ITGB8: variants seen among roughly 807,000 people sequenced by gnomAD.
ITGB8 encodes the protein integrin beta-8.
Under a neutral mutation model 89.5 loss-of-function variants are expected in ITGB8, and 30 were observed. That is an observed-to-expected ratio of 0.34 (90% CI 0.25 to 0.45). The LOEUF (loss-of-function observed/expected upper bound fraction) is 0.45, where lower values mean the gene tolerates loss of function less well. Ranked by LOEUF, ITGB8 falls within the 20% of genes least tolerant of loss-of-function variation. ITGB8 has a pLI of 1.00. For missense variants in ITGB8, 836 were observed against 933.3 expected (o/e 0.90, Z 1.36); for synonymous variants, 335 against 320.4 (o/e 1.05, Z -0.49).
intron 3 of ITGB8, among the ~76,000 whole-genome samples, chr7:20,376,257 T>C (rs953257309): frequency 1.3e-5 from 2 of 152,160 alleles, no homozygotes; most frequent in African/African-American, 4.8e-5. Flanking sequence ...CTGAAACCAC[T>C]GATGGGAAGT....
intron 1 of ITGB8, among the ~76,000 whole-genome samples, chr7:20,357,899 C>T: frequency 6.6e-6 from 1 of 152,156 alleles, no homozygotes; most frequent in Non-Finnish European, 1.5e-5. Context: ...TGACAATATG[C>T]AATTAAATCT....
chr7:20,413,597 A>G lies in ITGB8; in HGVS notation c.*3600A>G, dbSNP rs564630272. 6 of 152,294 alleles carry G rather than the reference A, an allele frequency of 3.9e-5. No individual in the cohort carries two copies. The highest frequency in any genetic ancestry group is 3.3e-4 in the Admixed American group (5 of 15,286). The allele number at this position is 152,294 out of a possible 1,614,324, so 9.4% of individuals were successfully genotyped here. A position where few individuals can be genotyped will look rare whatever the true frequency, so the allele number is the denominator to read the frequency against. On this transcript the variant is annotated 3_prime_UTR_variant, in exon 14 of 14. Transcript: ENST00000222573. Reference sequence around the variant, plus strand: ...AAGCTTCAAGCTTAATAAGCCTAATAGTGAAAAATAACTGAATTTAATGGT... The same window carrying G: ...AAGCTTCAAGCTTAATAAGCCTAATGGTGAAAAATAACTGAATTTAATGGT...
At chr7:20,379,935 G>C (rs1422269483) in intron 4 of ITGB8, 1 of 152,130 alleles carries the variant, frequency 6.6e-6, no homozygotes, top group Non-Finnish European at 1.5e-5. Context: ...ACACAATATT[G>C]CCATTAGCCT....
intron 12 of ITGB8, among the ~76,000 whole-genome samples, chr7:20,406,430 G>A (rs1465943464): frequency 1.3e-5 from 2 of 151,916 alleles, no homozygotes; most frequent in Admixed American, 1.3e-4. Context: ...GGCACCTGTA[G>A]TCCCACCTAC....
intron 1 of ITGB8, among the ~76,000 whole-genome samples, chr7:20,355,869 C>T (rs923238703): frequency 1.3e-5 from 2 of 152,200 alleles, no homozygotes; most frequent in Non-Finnish European, 2.9e-5. Flanking sequence ...TCTATATGAG[C>T]ACAGTTTAAA....
At position 20,412,103 on chromosome 7, in the gene ITGB8, T is replaced by G. The variant is rs1471033408; in HGVS notation, c.*2106T>G. 1 of 152,634 alleles carries G rather than the reference T, an allele frequency of 6.6e-6. No homozygotes were observed. The highest frequency in any genetic ancestry group is 2.4e-5 in the African/African-American group (1 of 41,452). 9.5% of individuals were successfully genotyped at this position (152,634 alleles called of 1,614,324 possible). On this transcript the variant is annotated 3_prime_UTR_variant, in exon 14 of 14. Transcript: ENST00000222573. The stretch of plus-strand genomic sequence containing the variant: ...CTAGATACTGCATTTTGATGAAGAC[T>G]AACCCCATCTCATATTCTACCCTAA...
At chr7:20,332,723 G>C (rs867579478) in intron 1 of ITGB8, among the ~76,000 whole-genome samples, 1 of 152,180 alleles carries the variant, frequency 6.6e-6, no homozygotes, top group Non-Finnish European at 1.5e-5. Flanking sequence ...GAAAGTTCAA[G>C]TCAAATAGCA....
At chr7:20,398,807 T>A (rs1185003006) in intron 8 of ITGB8, 53 bp from the exon 9 acceptor site, 2 of 1,324,708 alleles carry the variant, frequency 1.5e-6, no homozygotes, top group Non-Finnish European at 2.0e-6. Flanking sequence ...TCTGCTTTGT[T>A]GCTGACATTT....
rs1027425887 is a variant in ITGB8, at chr7:20,412,282, T to C, written c.*2285T>C. ...GACATAATTCAGTACTGTGAGTCAC[T>C]TGTATAAGAAACCTTTGATCACTAA... On this transcript the variant is annotated 3_prime_UTR_variant, in exon 14 of 14. Transcript: ENST00000222573. The C allele has an allele frequency of 6.6e-6, 1 of 152,640 alleles. No individual in the cohort carries two copies. The highest frequency in any genetic ancestry group is 2.4e-5 in the African/African-American group (1 of 41,454). 9.5% of individuals were successfully genotyped at this position (152,640 alleles called of 1,614,324 possible). A position where few individuals can be genotyped will look rare whatever the true frequency, so the allele number is the denominator to read the frequency against.
chr7:20,395,526 T>C (rs367794011), intron 8 of ITGB8, among the ~76,000 whole-genome samples: 1 of 152,254 alleles, frequency 6.6e-6, no homozygotes, highest in South Asian at 2.1e-4. Flanking sequence ...TTTCTTGAGT[T>C]GATGGTTGTA....
At chr7:20,374,920 G>C (rs1389171193) in intron 3 of ITGB8, among the ~76,000 whole-genome samples, 1 of 152,116 alleles carries the variant, frequency 6.6e-6, no homozygotes, top group African/African-American at 2.4e-5. Context: ...ATGATGGCTG[G>C]AAAATGAGAC....
chr7:20,342,550 C>T (rs973498353), intron 1 of ITGB8, among the ~76,000 whole-genome samples: 1 of 152,198 alleles, frequency 6.6e-6, no homozygotes, highest in South Asian at 2.1e-4. Context: ...ACAGTAAACT[C>T]TTCCATCCAA....
rs759393602 is a variant in ITGB8, at chr7:20,391,450, C to T, written c.1008C>T (p.Asn336=). Residue 336 remains asparagine, a synonymous_variant, in exon 7 of 14, where the codon AAC becomes AAT. Transcript: ENST00000222573. ...TTTCAGAGAAATTAATAGACAACAA[C>T]ATTAATGTCATCTTTGCAGTTCAAG... ...GQLSEKLIDN[N]INVIFAVQGK... is the part of the protein sequence containing the mutation. 1.2e-6 allele frequency: 2 copies of T among 1,604,266 alleles called. No individual in the cohort carries two copies. Among genetic ancestry groups the T allele is most frequent in the Non-Finnish European group, 1.7e-6 (2 of 1,174,170 alleles).
intron 6 of ITGB8, among the ~76,000 whole-genome samples, chr7:20,388,782 C>T (rs1403171098): frequency 6.6e-6 from 1 of 152,132 alleles, no homozygotes; most frequent in Non-Finnish European, 1.5e-5. Flanking sequence ...GTTATCCCTC[C>T]TCTAGCCCCC....
In ITGB8 at chr7:20,331,363, T is replaced by C. The variant is rs1784384060; in HGVS notation, c.-444T>C. 2.5e-6 allele frequency: 1 copy of C among 397,196 alleles called. No individual in the cohort carries two copies. Among genetic ancestry groups the C allele is most frequent in the Admixed American group, 4.4e-5 (1 of 22,604 alleles). 24.6% of individuals were successfully genotyped at this position (397,196 alleles called of 1,614,324 possible). A position where few individuals can be genotyped will look rare whatever the true frequency, so the allele number is the denominator to read the frequency against. On this transcript the variant is annotated 5_prime_UTR_variant, in exon 1 of 14. The change abolishes the stop of an existing upstream ORF in the 5' untranslated region. Coordinates refer to ENST00000222573, the MANE Select transcript of ITGB8 (RefSeq NM_002214.3). ...CCAGCATCACCCAGTGAATGTACATTAGGGTGGTTTCCCCCCCAGCTTCGG... is the reference window on the plus strand; with the variant it reads ...CCAGCATCACCCAGTGAATGTACATCAGGGTGGTTTCCCCCCCAGCTTCGG...
chr7:20,368,372 C>T (rs34051023), intron 3 of ITGB8, among the ~76,000 whole-genome samples: 39,154 of 152,118 alleles, frequency 0.26, 5,692 homozygotes, highest in Non-Finnish European at 0.32. Flanking sequence ...TGTACGTTCT[C>T]GTACACCTAA....
rs1251963804 is a variant in ITGB8 at position 20,380,549 on chromosome 7, T to C, written c.636-117T>C. ...AGCATAGATTTTCGTCGTATAAAGT[T>C]TCCCTGGCACAAAAGAAGTACTCCC... On this transcript the variant is annotated intron_variant, in intron 4 of 13. Transcript: ENST00000222573. The C allele has an allele frequency of 3.8e-6, 3 of 799,300 alleles. No individual in the cohort carries two copies. In the African/African-American group the frequency reaches 5.3e-5, roughly 14 times the overall value. 49.5% of individuals were successfully genotyped at this position (799,300 alleles called of 1,614,324 possible). A position where few individuals can be genotyped will look rare whatever the true frequency, so the allele number is the denominator to read the frequency against.
Position 20,381,736 on chromosome 7 carries a change from G to A in ITGB8, c.811G>A (p.Gly271Arg), listed in dbSNP as rs373968311. 23 of 1,607,478 alleles carry A rather than the reference G, an allele frequency of 1.4e-5. No homozygotes were observed. The highest frequency in any genetic ancestry group is 1.0e-4 in the South Asian group (9 of 89,718). ...CATGTTTATTTTTAAGAGTCATATCGGATGGCGAAAAGAGGCTAAAAGATT... is the reference window on the plus strand; with the variant it reads ...CATGTTTATTTTTAAGAGTCATATCAGATGGCGAAAAGAGGCTAAAAGATT... The part of the protein sequence containing the change: ...LQAAVCESHI[G>R]WRKEAKRLLL... The change falls in exon 6 of 14, where the codon GGA becomes AGA. Residue 271 changes from glycine to arginine, a missense_variant. By Grantham distance (125) the Gly-to-Arg change is moderately radical. This residue lies in a region of ITGB8 where 192 missense variants were observed against 267.1 expected (regional missense o/e 0.72). Coordinates refer to ENST00000222573, the MANE Select transcript of ITGB8 (RefSeq NM_002214.3).
chr7:20,405,185 G>A (rs1203003531), intron 11 of ITGB8, among the ~76,000 whole-genome samples: 4 of 151,784 alleles, frequency 2.6e-5, no homozygotes, highest in Non-Finnish European at 5.9e-5. Flanking sequence ...TCAAAAGTGA[G>A]GATAGTAATA....
Sources: gnomAD v4.1 joint callset for allele counts (sites outside exome capture counted in the v4.1 genomes callset) on GRCh38, gnomAD v4.1.1 for gene constraint, gnomAD v4.1.1 regional missense constraint, MANE v1.5 for transcripts, NCBI Gene and HGNC (gene_info 2026-07-23, HGNC 2026-07-21) for gene names.